VWA2: variants seen among roughly 807,000 people sequenced by gnomAD.
VWA2 encodes von Willebrand factor A domain containing 2.
Under a neutral mutation model 70.4 loss-of-function variants are expected in VWA2, and 73 were observed. The ratio of observed to expected loss-of-function variants is 1.04; its 90% CI spans 0.86 to 1.26. The LOEUF is 1.26. VWA2 is among the 50% of genes most tolerant of loss of function. The probability of loss-of-function intolerance (pLI) is 0.00; values close to 1 mark genes in which losing one functional copy is unlikely to be tolerated. For synonymous variants in VWA2, 407 were observed against 423.3 expected, an observed-to-expected ratio of 0.96 and a Z score of 0.47; for missense variants, 1,011 against 998.5, an observed-to-expected ratio of 1.01 and a Z score of -0.17.
At chr10:114,257,320 T>C (rs1285459029) in intron 4 of VWA2, among the ~76,000 whole-genome samples, 3 of 152,202 alleles carry the variant, frequency 2.0e-5, no homozygotes, top group African/African-American at 7.2e-5. Context: ...AAAGGGTTCC[T>C]TATCAGGTGT....
Position 114,291,402 on chromosome 10 carries a change from G to A in VWA2, c.*165G>A, listed in dbSNP as rs2039587726. ...AGGACCACTATTCTCACTGAGGGAG[G>A]AGGATGTCCCAACTGCAGCCATGCT... On this transcript the variant is annotated 3_prime_UTR_variant, in exon 14 of 14. Transcript: ENST00000392982. 11 of 761,506 alleles carry A rather than the reference G, an allele frequency of 1.4e-5. No individual in the cohort carries two copies. Among genetic ancestry groups the A allele is most frequent in the Middle Eastern group, 3.4e-4 (1 of 2,958 alleles). 47.2% of individuals were successfully genotyped at this position (761,506 alleles called of 1,614,324 possible). A position where few individuals can be genotyped will look rare whatever the true frequency, so the allele number is the denominator to read the frequency against.
chr10:114,272,731 T>A lies in VWA2; in HGVS notation c.372-9T>A, dbSNP rs143264066. ...CTTTTCTTTCTTTTTTCCTTCTGGG[T>A]GTGCACAGAGGAGGGCGCACGGAGA... On this transcript the variant is annotated splice_polypyrimidine_tract_variant and intron_variant, in intron 5 of 13. Coordinates refer to ENST00000392982, the MANE Select transcript of VWA2 (RefSeq NM_001272046.2). 1.9e-6 allele frequency: 3 copies of A among 1,578,708 alleles called. No individual in the cohort carries two copies. The East Asian group carries it at 6.9e-5, about 36-fold the overall frequency.
At chr10:114,255,345 T>C (rs1298412195) in intron 4 of VWA2, among the ~76,000 whole-genome samples, 1 of 152,134 alleles carries the variant, frequency 6.6e-6, no homozygotes, top group African/African-American at 2.4e-5. Flanking sequence ...AGTGACCCTA[T>C]TAGAAATTAA....
chr10:114,280,879 C>A (rs1010607891), intron 8 of VWA2: 1 of 152,118 alleles, frequency 6.6e-6, no homozygotes, highest in Admixed American at 6.5e-5. Context: ...GTTGGGACTA[C>A]AGACACGCAC....
chr10:114,260,463 T>C (rs1049307118), intron 4 of VWA2, among the ~76,000 whole-genome samples: 9 of 152,192 alleles, frequency 5.9e-5, no homozygotes, highest in African/African-American at 2.2e-4. Context: ...TCCTCTAGCT[T>C]GGCAGGGGCA....
At chr10:114,267,316 C>T (rs1294490531) in intron 5 of VWA2, among the ~76,000 whole-genome samples, 10 of 151,954 alleles carry the variant, frequency 6.6e-5, no homozygotes, top group Non-Finnish European at 1.0e-4. Flanking sequence ...GGGGTTTCAC[C>T]ATCTTGGCCA....
chr10:114,262,052 T>C (rs772505068), intron 5 of VWA2, among the ~76,000 whole-genome samples: 2 of 152,100 alleles, frequency 1.3e-5, no homozygotes, highest in Non-Finnish European at 2.9e-5. Context: ...TCATCGCCAA[T>C]GGATGGTGCT....
chr10:114,290,548 G>T (rs1348818261), intron 13 of VWA2, among the ~76,000 whole-genome samples, 183 bp downstream of exon 13: 1 of 152,240 alleles, frequency 6.6e-6, no homozygotes, highest in Non-Finnish European at 1.5e-5. Context: ...TCTCAGTGCA[G>T]GAACATAGCA....
Position 114,254,901 on chromosome 10 carries a change from C to T in VWA2, c.128-14C>T, listed in dbSNP as rs375291764. 1.6e-5 allele frequency: 26 copies of T among 1,611,010 alleles called. No homozygotes were observed. The African/African-American group carries it at 1.7e-4, about 11-fold the overall frequency. ...TTGCTCCTGGTTGTCATCTGTCTGT[C>T]CCGCTCTCCCTAGTGATGTGGTGCT... On this transcript the variant is annotated splice_polypyrimidine_tract_variant and intron_variant, in intron 3 of 13. Transcript: ENST00000392982.
chr10:114,259,265 CAA>C (rs1043272523), intron 4 of VWA2, among the ~76,000 whole-genome samples: 12 of 152,122 alleles, frequency 7.9e-5, no homozygotes, highest in African/African-American at 1.9e-4. Context: ...GTCTTTCCAT[CAA>C]AGAGTTACTT....
chr10:114,276,023 C>G (rs1358751098), intron 6 of VWA2, among the ~76,000 whole-genome samples: 1 of 152,242 alleles, frequency 6.6e-6, no homozygotes, highest in Non-Finnish European at 1.5e-5. Context: ...AAATGACTGT[C>G]TCATCGCTGT....
At chr10:114,282,417 G>T in intron 8 of VWA2, 99 bp from the exon 9 acceptor site, 3 of 965,356 alleles carry the variant, frequency 3.1e-6, no homozygotes, top group South Asian at 1.3e-5. Flanking sequence ...TTCTGCATTG[G>T]AATCTTCTAT....
intron 9 of VWA2, among the ~76,000 whole-genome samples, chr10:114,284,186 A>T (rs996267987): frequency 6.6e-6 from 1 of 152,254 alleles, no homozygotes; most frequent in African/African-American, 2.4e-5. Flanking sequence ...TTTCCCATGT[A>T]AACTTTCAGC....
chr10:114,281,534 C>T (rs2038116786), intron 8 of VWA2, among the ~76,000 whole-genome samples: 1 of 152,228 alleles, frequency 6.6e-6, no homozygotes, highest in South Asian at 2.1e-4. Flanking sequence ...GGAACACCAG[C>T]AGGTGGAAGC....
intron 5 of VWA2, among the ~76,000 whole-genome samples, chr10:114,271,632 C>A (rs1488279700): frequency 1.8e-4 from 27 of 152,048 alleles, no homozygotes; most frequent in Non-Finnish European, 1.5e-5. Flanking sequence ...CACACACACA[C>A]ACACACACAC....
At chr10:114,247,977 T>C (rs2037109088) in intron 1 of VWA2, among the ~76,000 whole-genome samples, 1 of 151,954 alleles carries the variant, frequency 6.6e-6, no homozygotes, top group Non-Finnish European at 1.5e-5. Context: ...TGTGGTGGCA[T>C]GTACCTGTAG....
chr10:114,246,218 G>A, intron 1 of VWA2: 1 of 1,053,200 alleles, frequency 9.5e-7, no homozygotes, highest in Non-Finnish European at 1.5e-6. Flanking sequence ...ATCACGGGTT[G>A]GGCTGGGCAT....
chr10:114,278,825 G>A lies in VWA2; in HGVS notation c.807G>A (p.Val269=), dbSNP rs539474144. The A allele has an allele frequency of 5.0e-6, 8 of 1,613,146 alleles. No homozygotes were observed. The highest frequency in any genetic ancestry group is 6.8e-6 in the Non-Finnish European group (8 of 1,180,044). Reference sequence around the variant, plus strand: ...GAGGATCGCGGCGGACCCTTGCGGTGCTGGCTGCACACTGTCCCTTCTACA... The same window carrying A: ...GAGGATCGCGGCGGACCCTTGCGGTACTGGCTGCACACTGTCCCTTCTACA... The part of the protein sequence containing the change: ...CWRGSRRTLA[V]LAAHCPFYSW... The change falls in exon 8 of 14, where the codon GTG becomes GTA. Residue 269 remains valine (V), a synonymous_variant. Transcript: ENST00000392982.
intron 1 of VWA2, chr10:114,246,675 A>G (rs2037079809): frequency 2.6e-6 from 4 of 1,560,488 alleles, no homozygotes; most frequent in Non-Finnish European, 2.6e-6. Flanking sequence ...CATCAAAACC[A>G]TTAAATTCCC....
Sources: gnomAD v4.1 joint callset for allele counts (sites outside exome capture counted in the v4.1 genomes callset) on GRCh38, gnomAD v4.1.1 for gene constraint, MANE v1.5 for transcripts, NCBI Gene and HGNC (gene_info 2026-07-23, HGNC 2026-07-21) for gene names.